Variants in ELOVL6 observed in about 807,000 individuals in gnomAD.
ELOVL6 encodes the protein very long chain fatty acid elongase 6.
Under a neutral mutation model 31.7 loss-of-function variants are expected in ELOVL6, and 8 were observed. The observed-to-expected ratio is 0.25, with a 90% confidence interval of 0.15 to 0.45. The LOEUF (loss-of-function observed/expected upper bound fraction) is 0.45, where lower values mean the gene tolerates loss of function less well. Among genes scored for constraint, ELOVL6 ranks in the 20% least tolerant of loss-of-function variants. The pLI is 1.00. For missense variants in ELOVL6, 126 were observed against 326.4 expected (o/e 0.39, Z 4.73); for synonymous variants, 101 against 117.7 (o/e 0.86, Z 0.92).
intron 2 of ELOVL6, among the ~76,000 whole-genome samples, chr4:110,089,723 A>G (rs1376790456): frequency 2.0e-5 from 3 of 152,142 alleles, no homozygotes; most frequent in Non-Finnish European, 4.4e-5. Flanking sequence ...AGATGGGCCA[A>G]CTTTTCTTCT....
chr4:110,125,067 A>G (rs1425642052), intron 1 of ELOVL6, among the ~76,000 whole-genome samples: 2 of 152,250 alleles, frequency 1.3e-5, no homozygotes, highest in Non-Finnish European at 2.9e-5. Flanking sequence ...AAAAGAAGGC[A>G]AATGAAATGA....
intron 1 of ELOVL6, among the ~76,000 whole-genome samples, chr4:110,125,168 A>G (rs933858368): frequency 1.9e-4 from 29 of 152,154 alleles, no homozygotes; most frequent in African/African-American, 5.3e-4. Flanking sequence ...CCATTTTTTA[A>G]AAAATAAAGC....
At chr4:110,121,843 C>T (rs993256694) in intron 1 of ELOVL6, among the ~76,000 whole-genome samples, 2 of 152,144 alleles carry the variant, frequency 1.3e-5, no homozygotes, top group Non-Finnish European at 2.9e-5. Context: ...ATTCATAAGG[C>T]TTAATTTTTG....
chr4:110,153,745 G>A (rs1758341905), intron 1 of ELOVL6, among the ~76,000 whole-genome samples: 1 of 152,058 alleles, frequency 6.6e-6, no homozygotes, highest in Admixed American at 6.6e-5. Flanking sequence ...TTTTAAGAGT[G>A]GTTTTGCAGA....
At chr4:110,063,364 G>A (rs535769473) in intron 2 of ELOVL6, among the ~76,000 whole-genome samples, 1 of 151,590 alleles carries the variant, frequency 6.6e-6, no homozygotes, top group South Asian at 2.1e-4. Flanking sequence ...CTGCAGTGGG[G>A]TTGCTCTTTT....
intron 1 of ELOVL6, among the ~76,000 whole-genome samples, chr4:110,169,245 T>G (rs963702101): frequency 6.8e-6 from 1 of 146,868 alleles, no homozygotes; most frequent in East Asian, 2.3e-4. Context: ...TTTGTTTTGT[T>G]TTTTTTTTTT....
At chr4:110,186,902 T>C (rs2126280168) in intron 1 of ELOVL6, among the ~76,000 whole-genome samples, 1 of 144,776 alleles carries the variant, frequency 6.9e-6, no homozygotes, top group South Asian at 2.2e-4. Flanking sequence ...TACATATATA[T>C]GGAATGTTTC....
intron 2 of ELOVL6, among the ~76,000 whole-genome samples, chr4:110,081,813 A>AG (rs1289379062): frequency 2.7e-5 from 4 of 147,170 alleles, no homozygotes; most frequent in Non-Finnish European, 6.1e-5. Context: ...GGCAACCTAC[A>AG]AAATGGGAGA....
chr4:110,084,229 T>TATATATC (rs1553956042), intron 2 of ELOVL6, among the ~76,000 whole-genome samples: 6 of 118,564 alleles, frequency 5.1e-5, no homozygotes, highest in African/African-American at 2.0e-4. Flanking sequence ...TTATATGATA[T>TATATATC]ATATAACATA....
At chr4:110,091,657 C>T (rs138893379) in intron 2 of ELOVL6, among the ~76,000 whole-genome samples, 250 of 152,252 alleles carry the variant, frequency 1.6e-3, no homozygotes, top group African/African-American at 5.5e-3. Flanking sequence ...AATTTCTGCT[C>T]CAGTTCCGGG....
At chr4:110,149,077 G>C (rs2126264570) in intron 1 of ELOVL6, among the ~76,000 whole-genome samples, 1 of 152,254 alleles carries the variant, frequency 6.6e-6, no homozygotes, top group Admixed American at 6.5e-5. Flanking sequence ...GCTGAGGCTG[G>C]TCTTGAACTC....
intron 1 of ELOVL6, among the ~76,000 whole-genome samples, chr4:110,121,352 T>C (rs1050795393): frequency 6.6e-6 from 1 of 152,312 alleles, no homozygotes; most frequent in Non-Finnish European, 1.5e-5. Flanking sequence ...ATAAATATCA[T>C]TCAGGAAAAA....
intron 1 of ELOVL6, among the ~76,000 whole-genome samples, chr4:110,143,749 C>G (rs781019892): frequency 6.6e-6 from 1 of 152,138 alleles, no homozygotes; most frequent in African/African-American, 2.4e-5. Context: ...AAGTAAGTTA[C>G]TTTAATAATA....
At chr4:110,186,028 A>G (rs1227182344) in intron 1 of ELOVL6, among the ~76,000 whole-genome samples, 2 of 152,044 alleles carry the variant, frequency 1.3e-5, no homozygotes, top group Non-Finnish European at 2.9e-5. Context: ...TGTATCTACT[A>G]AAAATAGAAA....
chr4:110,062,940 ATAAG>A (rs1171441167), intron 2 of ELOVL6, among the ~76,000 whole-genome samples: 1 of 152,214 alleles, frequency 6.6e-6, no homozygotes, highest in Non-Finnish European at 1.5e-5. Flanking sequence ...TTGAAGCAAT[ATAAG>A]TAAGGTATTT....
intron 2 of ELOVL6, among the ~76,000 whole-genome samples, chr4:110,087,823 C>T (rs28706838): frequency 0.56 from 84,033 of 150,446 alleles, 24,901 homozygotes; most frequent in African/African-American, 0.76. Flanking sequence ...AAAAAACCTC[C>T]TATTTTCTAG....
At chr4:110,063,711 C>G (rs956195088) in intron 2 of ELOVL6, among the ~76,000 whole-genome samples, 12 of 150,946 alleles carry the variant, frequency 7.9e-5, no homozygotes, top group African/African-American at 2.9e-4. Context: ...CAGATGATTA[C>G]TACGTCACAT....
chr4:110,085,542 C>T (rs925183352), intron 2 of ELOVL6, among the ~76,000 whole-genome samples: 11 of 152,166 alleles, frequency 7.2e-5, no homozygotes, highest in Admixed American at 2.6e-4. Flanking sequence ...CTACTGAACA[C>T]GTCCCAAAAG....
At position 110,130,648 on chromosome 4, in the gene ELOVL6, CA is replaced by C. The variant is rs1757641207; in HGVS notation, c.90-25021del. ...CAAATTAAAGTGACACAGTAATAAG[CA>C]GTATTAAACCAAAGTGTCCACCATC... On this transcript the variant is annotated intron_variant, in intron 1 of 3. Coordinates refer to ENST00000302274, the MANE Select transcript of ELOVL6 (RefSeq NM_024090.3). 5.9e-5 allele frequency among the ~76,000 whole-genome samples: 9 copies of C among 152,292 alleles called. No homozygotes were observed. The South Asian group carries it at 1.9e-3, about 32-fold the overall frequency.
Sources: allele counts gnomAD v4.1 joint callset (sites outside exome capture counted in the v4.1 genomes callset), GRCh38; gene constraint gnomAD v4.1.1; transcripts MANE v1.5; gene names NCBI Gene and HGNC (gene_info 2026-07-23, HGNC 2026-07-21).